The following NRF1 variants were observed in gnomAD, a reference collection of about 807,000 sequenced individuals.
NRF1 encodes nuclear respiratory factor 1.
NRF1 carries 5 observed loss-of-function variants against 58.5 expected under a neutral mutation model. The ratio of observed to expected loss-of-function variants is 0.09; its 90% CI spans 0.04 to 0.18. The LOEUF is 0.18. NRF1 is among the 10% of genes least tolerant of loss of function. NRF1 has a pLI of 1.00. For missense variants in NRF1, 288 were observed against 657.7 expected, an observed-to-expected ratio of 0.44 and a Z score of 6.15; for synonymous variants, 224 against 246.7, an observed-to-expected ratio of 0.91 and a Z score of 0.86.
chr7:129,688,200 C>T (rs1443576042), intron 4 of NRF1, among the ~76,000 whole-genome samples: 1 of 152,174 alleles, frequency 6.6e-6, no homozygotes, highest in Non-Finnish European at 1.5e-5. Context: ...TATCTTGGCT[C>T]ACTGCAACCT....
At chr7:129,628,401 A>G (rs1407240581) in intron 1 of NRF1, among the ~76,000 whole-genome samples, 4 of 152,008 alleles carry the variant, frequency 2.6e-5, no homozygotes, top group Admixed American at 2.0e-4. Context: ...TTTTGATACT[A>G]TATTAGAAAT....
In NRF1 at chr7:129,671,430, T is replaced by C. The variant is rs758667955; in HGVS notation, c.225T>C (p.Gly75=). ...TCAGCACATACGTTATTATTTCAGGTCCTGTGGGAATGGCCGCTGCTGCTG... is the reference window on the plus strand; with the variant it reads ...TCAGCACATACGTTATTATTTCAGGCCCTGTGGGAATGGCCGCTGCTGCTG... ...DEVTAHLAAA[G]PVGMAAAAAV... is the part of the protein sequence containing the mutation. Residue 75 remains glycine, a splice_region_variant and synonymous_variant, in exon 3 of 11, where the codon GGT becomes GGC. Coordinates refer to ENST00000393232, the MANE Select transcript of NRF1 (RefSeq NM_005011.5). 39 of 1,607,802 alleles carry C rather than the reference T, an allele frequency of 2.4e-5. No individual in the cohort carries two copies. The highest frequency in any genetic ancestry group is 2.6e-5 in the Non-Finnish European group (30 of 1,174,340).
intron 10 of NRF1, among the ~76,000 whole-genome samples, chr7:129,740,578 A>AC (rs1001031198): frequency 1.3e-4 from 19 of 151,996 alleles, no homozygotes; most frequent in African/African-American, 4.6e-4. Context: ...CCTCAGGCAT[A>AC]CCCCCCGTAG....
chr7:129,658,606 A>G (rs1299936283), intron 2 of NRF1, among the ~76,000 whole-genome samples: 2 of 152,042 alleles, frequency 1.3e-5, no homozygotes, highest in Non-Finnish European at 2.9e-5. Context: ...GAAAAAAAAA[A>G]AAAAAAGGAA....
intron 5 of NRF1, among the ~76,000 whole-genome samples, chr7:129,698,821 C>G (rs1802755074): frequency 1.3e-5 from 2 of 152,216 alleles, no homozygotes; most frequent in Non-Finnish European, 1.5e-5. Context: ...AATTGCATAG[C>G]TTCTTGCAGA....
intron 1 of NRF1, among the ~76,000 whole-genome samples, chr7:129,648,274 C>CT (rs35513653): frequency 0.041 from 4,021 of 97,022 alleles, 164 homozygotes; most frequent in East Asian, 0.057. Flanking sequence ...GCATTATTGA[C>CT]TTTTTTTTTT....
At chr7:129,728,079 A>C (rs551839890) in intron 10 of NRF1, among the ~76,000 whole-genome samples, 1 of 152,340 alleles carries the variant, frequency 6.6e-6, no homozygotes, top group East Asian at 1.9e-4. Flanking sequence ...CAAGCTGCCC[A>C]AGGAAGTGCC....
intron 10 of NRF1, among the ~76,000 whole-genome samples, chr7:129,735,925 G>A (rs1017354688): frequency 3.9e-5 from 6 of 152,064 alleles, no homozygotes; most frequent in Non-Finnish European, 8.8e-5. Flanking sequence ...GGAGAATGGC[G>A]TGAACCTGGG....
intron 9 of NRF1, among the ~76,000 whole-genome samples, chr7:129,720,019 C>T (rs1174171335): frequency 1.3e-5 from 2 of 152,082 alleles, no homozygotes; most frequent in Admixed American, 6.5e-5. Flanking sequence ...TAAAGGCAAG[C>T]GGGTAATGGT....
chr7:129,639,630 C>T (rs1401556575), intron 1 of NRF1, among the ~76,000 whole-genome samples: 2 of 150,930 alleles, frequency 1.3e-5, no homozygotes, highest in East Asian at 2.0e-4. Context: ...TCACTGCAAC[C>T]TCCACCTCCT....
chr7:129,699,068 C>T (rs760572783), intron 5 of NRF1, among the ~76,000 whole-genome samples: 22 of 152,188 alleles, frequency 1.4e-4, no homozygotes, highest in Non-Finnish European at 2.5e-4. Context: ...CTTCCTTGAA[C>T]TTACTGCCCT....
At chr7:129,654,413 C>T (rs1801605826) in intron 1 of NRF1, among the ~76,000 whole-genome samples, 1 of 152,080 alleles carries the variant, frequency 6.6e-6, no homozygotes, top group East Asian at 1.9e-4. Flanking sequence ...TATGTCCTGT[C>T]TTCTCATTCT....
chr7:129,644,542 G>A (rs1041319596), intron 1 of NRF1, among the ~76,000 whole-genome samples: 3 of 152,170 alleles, frequency 2.0e-5, no homozygotes, highest in African/African-American at 7.2e-5. Context: ...GCCACATATG[G>A]CCATTTAATA....
At chr7:129,693,547 T>C (rs915579827) in intron 5 of NRF1, among the ~76,000 whole-genome samples, 1 of 152,162 alleles carries the variant, frequency 6.6e-6, no homozygotes, top group Non-Finnish European at 1.5e-5. Context: ...TTGGCGTTTT[T>C]TTTTTCTTCA....
intron 5 of NRF1, among the ~76,000 whole-genome samples, chr7:129,692,471 T>G (rs1401798083): frequency 6.6e-6 from 1 of 152,146 alleles, no homozygotes; most frequent in Admixed American, 6.5e-5. Context: ...GAGGATCGTT[T>G]GAGCCCCAGA....
At chr7:129,622,263 C>T (rs1417358291) in intron 1 of NRF1, among the ~76,000 whole-genome samples, 1 of 152,062 alleles carries the variant, frequency 6.6e-6, no homozygotes, top group Non-Finnish European at 1.5e-5. Flanking sequence ...ATACAGATAA[C>T]ACAATTATGG....
At chr7:129,656,453 TG>T (rs925117385) in intron 1 of NRF1, among the ~76,000 whole-genome samples, 17 of 149,634 alleles carry the variant, frequency 1.1e-4, no homozygotes, top group Admixed American at 2.0e-4. Flanking sequence ...ACTTCTGGGG[TG>T]GGGGGGAGTG....
chr7:129,635,224 CAA>C (rs1318886893), intron 1 of NRF1, among the ~76,000 whole-genome samples: 2 of 152,124 alleles, frequency 1.3e-5, no homozygotes, highest in East Asian at 1.9e-4. Context: ...AAAAGGGAAA[CAA>C]TACGTTAATA....
intron 1 of NRF1, among the ~76,000 whole-genome samples, chr7:129,619,460 G>T (rs11760439): frequency 0.015 from 591 of 39,388 alleles, 22 homozygotes; most frequent in African/African-American, 0.06. Context: ...ATATATACAC[G>T]TGTGTGTGTG....
Sources: allele counts gnomAD v4.1 joint callset (sites outside exome capture counted in the v4.1 genomes callset), GRCh38; gene constraint gnomAD v4.1.1; transcripts MANE v1.5; gene names NCBI Gene and HGNC (gene_info 2026-07-23, HGNC 2026-07-21).